The following CD99 variants were observed in gnomAD, a reference collection of about 807,000 sequenced individuals.
CD99 encodes CD99 molecule (Xg blood group).
A neutral mutation model predicts 28.4 loss-of-function variants in CD99; 19 were observed. The observed-to-expected ratio is 0.67, with a 90% confidence interval of 0.47 to 0.98. CD99 has a LOEUF of 0.98. Ranked by LOEUF, CD99 falls within the 50% of genes least tolerant of loss-of-function variation. The pLI is 0.00. For missense variants in CD99, 283 were observed against 248.8 expected (o/e 1.14, Z -0.92); for synonymous variants, 103 against 92.1 (o/e 1.12, Z -0.67).
At chrX:2,716,259 T>C (rs1000448757) in intron 2 of CD99, among the ~76,000 whole-genome samples, 5 of 152,154 alleles carry the variant, frequency 3.3e-5, no homozygotes, top group African/African-American at 9.7e-5. Flanking sequence ...CCTTGTGATC[T>C]GCCCGCCTTG....
At chrX:2,734,627 T>C (rs1363149542) in intron 8 of CD99, among the ~76,000 whole-genome samples, 4 of 151,382 alleles carry the variant, frequency 2.6e-5, no homozygotes, top group Admixed American at 6.6e-5. Context: ...TTTCTTTTTT[T>C]TTTTCTCTTA....
rs771344587 is a variant in CD99, at chrX:2,733,753, C to G, written c.476-4447C>G. On this transcript the variant is annotated intron_variant, in intron 8 of 9. Coordinates refer to ENST00000381192, the MANE Select transcript of CD99 (RefSeq NM_002414.5). ...ACAAACTGGGGCCCAGGGTGGCCAC[C>G]CTCTTCCCTGCAGTGTCCTAGGTTA... The G allele has an allele frequency of 6.9e-5, 22 of 320,158 alleles. No homozygotes were observed. The Admixed American group carries it at 7.2e-4, about 11-fold the overall frequency. 19.8% of individuals were successfully genotyped at this position (320,158 alleles called of 1,614,324 possible). A position where few individuals can be genotyped will look rare whatever the true frequency, so the allele number is the denominator to read the frequency against.
intron 4 of CD99, 69 bp from the exon 5 acceptor site, chrX:2,720,287 T>G: frequency 7.1e-7 from 1 of 1,400,342 alleles, no homozygotes; most frequent in Non-Finnish European, 1.0e-6. Context: ...ACCATCTGTG[T>G]GTAAACTGAT....
chrX:2,701,128 A>T (rs1299369940), intron 1 of CD99, among the ~76,000 whole-genome samples: 1 of 145,112 alleles, frequency 6.9e-6, no homozygotes, highest in Non-Finnish European at 1.5e-5. Flanking sequence ...CTTTCCACTC[A>T]TCCCATCCAA....
intron 1 of CD99, among the ~76,000 whole-genome samples, chrX:2,696,680 G>T (rs1390119394): frequency 2.0e-5 from 3 of 152,050 alleles, no homozygotes; most frequent in Non-Finnish European, 1.5e-5. Context: ...ATTCTTTTTT[G>T]ATTTATTCCC....
In CD99 at chrX:2,691,713, C is replaced by T. The variant is rs759797632; in HGVS notation, c.67+286C>T. On this transcript the variant is annotated intron_variant, in intron 1 of 9. Coordinates refer to ENST00000381192, the MANE Select transcript of CD99 (RefSeq NM_002414.5). The stretch of plus-strand genomic sequence containing the variant: ...TGGGAGAGGTGCGTCCGATTTTTCC[C>T]AATCTAGGGGACCTTCTTACAGATC... 1.3e-5 allele frequency: 9 copies of T among 707,310 alleles called. No individual in the cohort carries two copies. The East Asian group carries it at 1.9e-4, about 15-fold the overall frequency. 43.8% of individuals were successfully genotyped at this position (707,310 alleles called of 1,614,324 possible).
rs2047270843 is a variant in CD99 at position 2,691,297 on chromosome X, C to T, written c.-64C>T. ...CCCCACCCGGCCCGTGGGGGAGTAT[C>T]TGTCCTGCCGCCTTCGCCCACGCCC... is the stretch of plus-strand genomic sequence containing the variant. On this transcript the variant is annotated 5_prime_UTR_variant, in exon 1 of 10. Coordinates refer to ENST00000381192, the MANE Select transcript of CD99 (RefSeq NM_002414.5). The T allele has an allele frequency of 1.4e-6, 2 of 1,386,168 alleles. No individual in the cohort carries two copies. Among genetic ancestry groups the T allele is most frequent in the African/African-American group, 3.0e-5 (2 of 66,252 alleles). The allele number at this position is 1,386,168 out of a possible 1,614,324, so 85.9% of individuals were successfully genotyped here.
chrX:2,733,496 C>A, intron 8 of CD99: 1 of 1,021,534 alleles, frequency 9.8e-7, no homozygotes, highest in Non-Finnish European at 1.5e-6. Flanking sequence ...TGGCAAATTC[C>A]CACCACGATG....
In CD99 at chrX:2,741,019, A is replaced by G. The variant is rs765487785; in HGVS notation, c.*215A>G. The G allele has an allele frequency of 3.4e-6, 2 of 594,566 alleles. No individual in the cohort carries two copies. Among genetic ancestry groups the G allele is most frequent in the African/African-American group, 1.9e-5 (1 of 53,580 alleles). 36.8% of individuals were successfully genotyped at this position (594,566 alleles called of 1,614,324 possible). A position where few individuals can be genotyped will look rare whatever the true frequency, so the allele number is the denominator to read the frequency against. ...CATCCAAAGGGGGATAGGCACTTGG[A>G]CCCCCATTCTCCAAGGCCCGGGGGG... On this transcript the variant is annotated 3_prime_UTR_variant, in exon 10 of 10. Coordinates refer to ENST00000381192, the MANE Select transcript of CD99 (RefSeq NM_002414.5).
chrX:2,726,200 CT>C (rs1569444946), intron 7 of CD99, 59 bp from the exon 8 acceptor site: 8 of 1,035,986 alleles, frequency 7.7e-6, no homozygotes, highest in Admixed American at 1.8e-5. Flanking sequence ...CCACTGCCCC[CT>C]GGGATCTTCT....
At chrX:2,733,295 G>C (rs1215214860) in intron 8 of CD99, 1 of 1,531,188 alleles carries the variant, frequency 6.5e-7, no homozygotes, top group Non-Finnish European at 8.9e-7. Flanking sequence ...AGCAAAAGCA[G>C]ACCCAGCACC....
chrX:2,735,599 C>T (rs2062319554), intron 8 of CD99, among the ~76,000 whole-genome samples: 1 of 152,040 alleles, frequency 6.6e-6, no homozygotes, highest in African/African-American at 2.4e-5. Context: ...TGCTTTTTAA[C>T]CAATGAGGGG....
At chrX:2,733,257 C>T in intron 8 of CD99, 2 of 1,261,478 alleles carry the variant, frequency 1.6e-6, no homozygotes, top group Non-Finnish European at 2.3e-6. Flanking sequence ...TTTCTAACAC[C>T]TCCCTGCTGC....
At chrX:2,700,784 A>C (rs187577384) in intron 1 of CD99, among the ~76,000 whole-genome samples, 317 of 149,460 alleles carry the variant, frequency 2.1e-3, no homozygotes, top group African/African-American at 6.9e-3. Flanking sequence ...TTACCCATCT[A>C]CCATCCATCC....
intron 1 of CD99, among the ~76,000 whole-genome samples, chrX:2,709,271 CAT>C (rs986169625): frequency 2.2e-4 from 19 of 87,172 alleles, no homozygotes; most frequent in South Asian, 3.1e-4. Context: ...CAGCAAGTCA[CAT>C]GTGCACGTGA....
At chrX:2,720,620 C>CTTTTTTT (rs71281938) in intron 5 of CD99, among the ~76,000 whole-genome samples, 196 bp downstream of exon 5, 6 of 83,928 alleles carry the variant, frequency 7.1e-5, no homozygotes, top group Non-Finnish European at 1.3e-4. Flanking sequence ...TTTTAGTTTG[C>CTTTTTTT]TTTTTTTTTT....
chrX:2,722,852 G>C (rs1438430039), intron 6 of CD99, 178 bp downstream of exon 6: 2 of 212,356 alleles, frequency 9.4e-6, no homozygotes, highest in Non-Finnish European at 1.6e-5. Context: ...GGAAGTAAAG[G>C]CTGCCCCGTA....
chrX:2,714,615 C>G, intron 2 of CD99, 161 bp downstream of exon 2: 1 of 594,004 alleles, frequency 1.7e-6, no homozygotes, highest in Admixed American at 2.7e-5. Flanking sequence ...TATGTTTACT[C>G]TCAACTGTAG....
chrX:2,699,276 T>C (rs1220922959), intron 1 of CD99, among the ~76,000 whole-genome samples: 2 of 151,816 alleles, frequency 1.3e-5, no homozygotes, highest in Non-Finnish European at 2.9e-5. Context: ...TTCAAGTGCC[T>C]CTCTTGCCTC....
Sources: allele counts gnomAD v4.1 joint callset (sites outside exome capture counted in the v4.1 genomes callset), GRCh38; gene constraint gnomAD v4.1.1; transcripts MANE v1.5; gene names NCBI Gene and HGNC (gene_info 2026-07-23, HGNC 2026-07-21).